DUSP28: variants seen among roughly 807,000 people sequenced by gnomAD.
DUSP28 encodes the protein dual specificity phosphatase 28.
DUSP28 carries 11 observed loss-of-function variants against 8.4 expected under a neutral mutation model. The ratio of observed to expected loss-of-function variants is 1.31; its 90% CI spans 0.83 to 2.17. DUSP28 has a LOEUF of 2.17. DUSP28 is among the 30% of genes most tolerant of loss of function. The pLI is 0.00. For missense variants in DUSP28, 373 were observed against 270.4 expected (o/e 1.38, Z -2.66); for synonymous variants, 178 against 130.9 (o/e 1.36, Z -2.46).
rs1222512670 is a variant in DUSP28, at chr2:240,564,267, G to C, written c.*2800G>C. Among the ~76,000 whole-genome samples the C allele has an allele frequency of 1.3e-5, 2 of 152,238 alleles. No homozygotes were observed. The highest frequency in any genetic ancestry group is 3.9e-4 in the East Asian group (2 of 5,192). On this transcript the variant is annotated 3_prime_UTR_variant, in exon 2 of 2. Coordinates refer to ENST00000405954, the MANE Select transcript of DUSP28 (RefSeq NM_001370465.2). Reference sequence around the variant, plus strand: ...GAGAATCCTCCACCTCAGTGGCCCTGAAGTGGCCTGAAGGGCCCGCTCTGC... The same window carrying C: ...GAGAATCCTCCACCTCAGTGGCCCTCAAGTGGCCTGAAGGGCCCGCTCTGC...
Position 240,561,340 on chromosome 2 carries a change from G to T in DUSP28, c.404G>T (p.Ser135Ile). The T allele has an allele frequency of 6.2e-7, 1 of 1,613,900 alleles. No individual in the cohort carries two copies. Among genetic ancestry groups the T allele is most frequent in the Non-Finnish European group, 8.5e-7 (1 of 1,180,042 alleles). ...ACTTCTTGTTTGCAGATGGTGAAGA[G>T]CGCTCGCCCGGTAGCAGAACCGAAC... ...SLAKAFQMVK[S>I]ARPVAEPNPG... Residue 135 changes from serine to isoleucine, a missense_variant, in exon 2 of 2, where the codon AGC (serine) becomes ATC (isoleucine). Ser to Ile is a moderately radical substitution (Grantham distance 142). Transcript: ENST00000405954.
At chr2:240,561,256 A>AGAG (rs2092948201) in intron 1 of DUSP28, 74 bp from the exon 2 acceptor site, 34 of 1,606,908 alleles carry the variant, frequency 2.1e-5, no homozygotes, top group Admixed American at 8.5e-5. Flanking sequence ...GCCCACTCTT[A>AGAG]CAGCTGGGCC....
Position 240,562,840 on chromosome 2 carries a change from T to C in DUSP28, c.*1373T>C, listed in dbSNP as rs956316116. The C allele has an allele frequency of 6.5e-6, 1 of 153,404 alleles. No individual in the cohort carries two copies. The highest frequency in any genetic ancestry group is 2.4e-5 in the African/African-American group (1 of 41,478). The allele number at this position is 153,404 out of a possible 1,614,324, so 9.5% of individuals were successfully genotyped here. On this transcript the variant is annotated 3_prime_UTR_variant, in exon 2 of 2. Coordinates refer to ENST00000405954, the MANE Select transcript of DUSP28 (RefSeq NM_001370465.2). ...GTGCTGGCCATGGTGTGGACACTATTTACTTTATAATGCACATCTTGATCC... is the reference window on the plus strand; with the variant it reads ...GTGCTGGCCATGGTGTGGACACTATCTACTTTATAATGCACATCTTGATCC...
Position 240,562,410 on chromosome 2 carries a change from C to A in DUSP28, c.*943C>A, listed in dbSNP as rs2092979320. Reference sequence around the variant, plus strand: ...CTCCTTTTTCTATTACTAGAGAACTCCAGGACATTAAGAATTTCAAAAGTG... The same window carrying A: ...CTCCTTTTTCTATTACTAGAGAACTACAGGACATTAAGAATTTCAAAAGTG... On this transcript the variant is annotated 3_prime_UTR_variant, in exon 2 of 2. Transcript: ENST00000405954. 1 of 152,202 alleles carries A rather than the reference C, an allele frequency of 6.6e-6. No individual in the cohort carries two copies. The highest frequency in any genetic ancestry group is 2.4e-5 in the African/African-American group (1 of 41,438). 9.4% of individuals were successfully genotyped at this position (152,202 alleles called of 1,614,324 possible). A position where few individuals can be genotyped will look rare whatever the true frequency, so the allele number is the denominator to read the frequency against.
Position 240,562,274 on chromosome 2 carries a change from T to TGG in DUSP28, c.*812_*813dup, listed in dbSNP as rs371532647. ...TAATTTTTTGTATTTTTAGTAGAGA[T>TGG]GGGGGGTTTCACCATGTTAGCCAGG... On this transcript the variant is annotated 3_prime_UTR_variant, in exon 2 of 2. Coordinates refer to ENST00000405954, the MANE Select transcript of DUSP28 (RefSeq NM_001370465.2). 1 of 151,964 alleles carries TGG rather than the reference T, an allele frequency of 6.6e-6. No individual in the cohort carries two copies. Among genetic ancestry groups the TGG allele is most frequent in the African/African-American group, 2.4e-5 (1 of 41,330 alleles). 9.4% of individuals were successfully genotyped at this position (151,964 alleles called of 1,614,324 possible).
rs1197809423 is a variant in DUSP28, at chr2:240,563,564, C to T, written c.*2097C>T. 1 of 152,530 alleles carries T rather than the reference C, an allele frequency of 6.6e-6. No homozygotes were observed. Among genetic ancestry groups the T allele is most frequent in the African/African-American group, 2.4e-5 (1 of 41,468 alleles). The allele number at this position is 152,530 out of a possible 1,614,324, so 9.4% of individuals were successfully genotyped here. On this transcript the variant is annotated 3_prime_UTR_variant, in exon 2 of 2. Coordinates refer to ENST00000405954, the MANE Select transcript of DUSP28 (RefSeq NM_001370465.2). The stretch of plus-strand genomic sequence containing the variant: ...AAGACCCAGTCAGGCCCTATTGGAA[C>T]AGGGCTTTTACCACCTAGGCGGAAG...
chr2:240,561,267 C>T (rs2092948976), intron 1 of DUSP28, 63 bp from the exon 2 acceptor site: 5 of 1,609,428 alleles, frequency 3.1e-6, no homozygotes, highest in Non-Finnish European at 4.2e-6. Flanking sequence ...CAGCTGGGCC[C>T]GCCTTGGCCC....
In DUSP28 at chr2:240,561,449, G is replaced by A; in HGVS notation, c.513G>A (p.Gly171=). The stretch of plus-strand genomic sequence containing the variant: ...TGCAGGGAGAGCCCCCAGCCTTAGG[G>A]TTGGGCCCTGAGGCTTGAAGCTTGA... ...SCLQGEPPAL[G]LGPEA Residue 171 remains glycine, a synonymous_variant, in exon 2 of 2, where the codon GGG becomes GGA. Transcript: ENST00000405954. The A allele has an allele frequency of 6.2e-7, 1 of 1,613,604 alleles. No individual in the cohort carries two copies. Among genetic ancestry groups the A allele is most frequent in the Non-Finnish European group, 8.5e-7 (1 of 1,179,962 alleles).
rs1158060933 is a variant in DUSP28 at position 240,564,122 on chromosome 2, A to G, written c.*2655A>G. 1.3e-5 allele frequency: 2 copies of G among 152,340 alleles called. No individual in the cohort carries two copies. The highest frequency in any genetic ancestry group is 4.8e-5 in the African/African-American group (2 of 41,450). 9.4% of individuals were successfully genotyped at this position (152,340 alleles called of 1,614,324 possible). ...ACTGTGGGTTGCAGAAATTTCTCTC[A>G]AGCATCATCACCACTTTTGCTCAGT... is the stretch of plus-strand genomic sequence containing the variant. On this transcript the variant is annotated 3_prime_UTR_variant, in exon 2 of 2. Coordinates refer to ENST00000405954, the MANE Select transcript of DUSP28 (RefSeq NM_001370465.2).
rs1454364798 is a variant in DUSP28, at chr2:240,562,424, A to G, written c.*957A>G. The G allele has an allele frequency of 6.6e-6, 1 of 152,186 alleles. No individual in the cohort carries two copies. Among genetic ancestry groups the G allele is most frequent in the Non-Finnish European group, 1.5e-5 (1 of 68,028 alleles). 9.4% of individuals were successfully genotyped at this position (152,186 alleles called of 1,614,324 possible). ...ACTAGAGAACTCCAGGACATTAAGA[A>G]TTTCAAAAGTGATTTTTTCACCCAT... On this transcript the variant is annotated 3_prime_UTR_variant, in exon 2 of 2. Coordinates refer to ENST00000405954, the MANE Select transcript of DUSP28 (RefSeq NM_001370465.2).
chr2:240,560,887 T>G lies in DUSP28; in HGVS notation c.203T>G (p.Val68Gly). 6.6e-7 allele frequency: 1 copy of G among 1,512,320 alleles called. No homozygotes were observed. Among genetic ancestry groups the G allele is most frequent in the Non-Finnish European group, 8.7e-7 (1 of 1,143,816 alleles). The allele number at this position is 1,512,320 out of a possible 1,614,324, so 93.7% of individuals were successfully genotyped here. Residue 68 changes from valine (V) to glycine (G), a missense_variant, in exon 1 of 2, where the codon GTG (valine) becomes GGG (glycine). Coordinates refer to ENST00000405954, the MANE Select transcript of DUSP28 (RefSeq NM_001370465.2). ...GCGCCCGGCGTGGCAGAGCTGCGCGTGCCCGTGTTCGACGACCCGGCTGAG... is the reference window on the plus strand; with the variant it reads ...GCGCCCGGCGTGGCAGAGCTGCGCGGGCCCGTGTTCGACGACCCGGCTGAG... ...PRAPGVAELR[V>G]PVFDDPAEDL...
Position 240,564,780 on chromosome 2 carries a change from C to G in DUSP28, c.*3313C>G, listed in dbSNP as rs1318473256. 1.3e-5 allele frequency among the ~76,000 whole-genome samples: 2 copies of G among 152,216 alleles called. No individual in the cohort carries two copies. Among genetic ancestry groups the G allele is most frequent in the African/African-American group, 4.8e-5 (2 of 41,444 alleles). The stretch of plus-strand genomic sequence containing the variant: ...TTCCTCCCACCTCCCAGACCTCTCA[C>G]TGGTCTCATCTGGGCACCGAACATG... On this transcript the variant is annotated 3_prime_UTR_variant, in exon 2 of 2. Coordinates refer to ENST00000405954, the MANE Select transcript of DUSP28 (RefSeq NM_001370465.2).
In DUSP28 at chr2:240,560,597, C is replaced by T; in HGVS notation, c.-88C>T. ...GACCCGGGGGCGCCCGGCGGCCCGC[C>T]CGGCTCCCACAAATAGACTCCTGGG... On this transcript the variant is annotated 5_prime_UTR_variant, in exon 1 of 2. Coordinates refer to ENST00000405954, the MANE Select transcript of DUSP28 (RefSeq NM_001370465.2). 7.5e-7 allele frequency: 1 copy of T among 1,330,446 alleles called. No individual in the cohort carries two copies. The allele number at this position is 1,330,446 out of a possible 1,614,324, so 82.4% of individuals were successfully genotyped here.
chr2:240,561,127 G>A, intron 1 of DUSP28, 50 bp downstream of exon 1: 1 of 1,456,288 alleles, frequency 6.9e-7, no homozygotes, highest in South Asian at 1.4e-5. Flanking sequence ...GTGTCTTCCG[G>A]GGACGAGTTT....
chr2:240,564,067 C>T lies in DUSP28; in HGVS notation c.*2600C>T, dbSNP rs1160747491. 6 of 152,480 alleles carry T rather than the reference C, an allele frequency of 3.9e-5. No homozygotes were observed. The highest frequency in any genetic ancestry group is 3.3e-4 in the Admixed American group (5 of 15,304). 9.4% of individuals were successfully genotyped at this position (152,480 alleles called of 1,614,324 possible). ...AAAAATCGAGGGAGAAATGAGCACA[C>T]GCTGTACTTGGCTGTACATATAATT... On this transcript the variant is annotated 3_prime_UTR_variant, in exon 2 of 2. Coordinates refer to ENST00000405954, the MANE Select transcript of DUSP28 (RefSeq NM_001370465.2).
chr2:240,564,685 C>T lies in DUSP28; in HGVS notation c.*3218C>T, dbSNP rs942930358. On this transcript the variant is annotated 3_prime_UTR_variant, in exon 2 of 2. Coordinates refer to ENST00000405954, the MANE Select transcript of DUSP28 (RefSeq NM_001370465.2). The stretch of plus-strand genomic sequence containing the variant: ...AGATCCCCACTGCCTGATGTCCTGG[C>T]TGTGGAGGGCACCTGGAGCTGCCAG... 7.2e-5 allele frequency among the ~76,000 whole-genome samples: 11 copies of T among 152,244 alleles called. No homozygotes were observed. Among genetic ancestry groups the T allele is most frequent in the African/African-American group, 2.7e-4 (11 of 41,462 alleles).
chr2:240,561,508 C>A lies in DUSP28; in HGVS notation c.*41C>A. 1 of 1,582,756 alleles carries A rather than the reference C, an allele frequency of 6.3e-7. No individual in the cohort carries two copies. Among genetic ancestry groups the A allele is most frequent in the Non-Finnish European group, 8.6e-7 (1 of 1,165,022 alleles). ...TGCCTGGAGGAAGGATGTCCCTGCA[C>A]TGATACAGAAGGCTGGTCTTTACCC... On this transcript the variant is annotated 3_prime_UTR_variant, in exon 2 of 2. Transcript: ENST00000405954.
chr2:240,560,480 G>GC lies in DUSP28; in HGVS notation c.-201dup. 3 of 732,148 alleles carry GC rather than the reference G, an allele frequency of 4.1e-6. No homozygotes were observed. The highest frequency in any genetic ancestry group is 8.1e-5 in the South Asian group (2 of 24,690). The allele number at this position is 732,148 out of a possible 1,614,324, so 45.4% of individuals were successfully genotyped here. On this transcript the variant is annotated 5_prime_UTR_variant, in exon 1 of 2. An upstream open reading frame in the 5' UTR loses its in-frame stop. Transcript: ENST00000405954. ...TGGTGAGGCCCAAACCTCCCGCCAT[G>GC]CCCCGGCCCCAACGAGACCCAAGCC...
In DUSP28 at chr2:240,562,459, G is replaced by A. The variant is rs1575430312; in HGVS notation, c.*992G>A. On this transcript the variant is annotated 3_prime_UTR_variant, in exon 2 of 2. Transcript: ENST00000405954. ...TGATTTTTTCACCCATGGCTTCTAC[G>A]GTGACAGAGTATGGTGTTCCTGTAG... 1 of 152,148 alleles carries A rather than the reference G, an allele frequency of 6.6e-6. No individual in the cohort carries two copies. 9.4% of individuals were successfully genotyped at this position (152,148 alleles called of 1,614,324 possible).
Sources: allele counts gnomAD v4.1 joint callset (sites outside exome capture counted in the v4.1 genomes callset), GRCh38; gene constraint gnomAD v4.1.1; transcripts MANE v1.5; gene names NCBI Gene and HGNC (gene_info 2026-07-23, HGNC 2026-07-21).